The following TINAG variants were observed in gnomAD, a reference collection of about 807,000 sequenced individuals.
TINAG encodes the protein tubulointerstitial nephritis antigen.
A neutral mutation model predicts 72.7 loss-of-function variants in TINAG; 83 were observed. The observed-to-expected ratio is 1.14, with a 90% CI of 0.96 to 1.37. TINAG has a LOEUF of 1.37. Ranked by LOEUF, TINAG falls within the 40% of genes most tolerant of loss-of-function variation. The probability of loss-of-function intolerance (pLI) is 0.00; values close to 1 mark genes in which losing one functional copy is unlikely to be tolerated. For missense variants in TINAG, 685 were observed against 576.6 expected (o/e 1.19, Z -1.93); for synonymous variants, 234 against 189.9 (o/e 1.23, Z -1.91).
Position 54,358,890 on chromosome 6 carries a change from G to A in TINAG, c.1250+4254G>A, listed in dbSNP as rs1237777585. ...GATTGACATCTGATCGCATTAGCTT[G>A]CAAATGGTCCTCATTACAAAAATCT... On this transcript the variant is annotated intron_variant, in intron 9 of 10. Transcript: ENST00000259782. Among the ~76,000 whole-genome samples, 6 of 151,874 alleles carry A rather than the reference G, an allele frequency of 4.0e-5. No individual in the cohort carries two copies. The East Asian group carries it at 1.2e-3, about 30-fold the overall frequency.
intron 3 of TINAG, 33 bp downstream of exon 3, chr6:54,321,419 C>A: frequency 6.9e-7 from 1 of 1,450,712 alleles, no homozygotes; most frequent in Non-Finnish European, 9.7e-7. Context: ...TGTTTCTTGA[C>A]ACTGCCATTT....
chr6:54,375,320 G>A (rs539671379), intron 9 of TINAG, among the ~76,000 whole-genome samples: 1 of 152,194 alleles, frequency 6.6e-6, no homozygotes, highest in East Asian at 1.9e-4. Context: ...ACACAGAAAA[G>A]CCATTAATTT....
chr6:54,377,476 C>A (rs1044235531), intron 9 of TINAG, among the ~76,000 whole-genome samples: 1 of 151,984 alleles, frequency 6.6e-6, no homozygotes, highest in African/African-American at 2.4e-5. Flanking sequence ...TGTGTCACTG[C>A]ACTCCAGCCT....
intron 9 of TINAG, among the ~76,000 whole-genome samples, chr6:54,372,292 T>G (rs1763643326): frequency 6.6e-6 from 1 of 151,940 alleles, no homozygotes; most frequent in Admixed American, 6.6e-5. Context: ...GCGCCCAGCC[T>G]CAACTAGTTT....
At chr6:54,347,040 T>C (rs918365339) in intron 5 of TINAG, among the ~76,000 whole-genome samples, 12 of 152,088 alleles carry the variant, frequency 7.9e-5, no homozygotes, top group African/African-American at 2.9e-4. Flanking sequence ...AAGGAACATA[T>C]GGCTCTTGCC....
At position 54,354,872 on chromosome 6, in the gene TINAG, A is replaced by T. The variant is rs992183091; in HGVS notation, c.1250+236A>T. ...CTCACTTCTTGTGATTATGTCCTTA[A>T]GAATCCGTTCTAAGGGCAAAGAACA... On this transcript the variant is annotated intron_variant, in intron 9 of 10. Coordinates refer to ENST00000259782, the MANE Select transcript of TINAG (RefSeq NM_014464.4). Among the ~76,000 whole-genome samples the T allele has an allele frequency of 2.0e-5, 3 of 151,964 alleles. No homozygotes were observed. In the East Asian group the frequency reaches 5.8e-4, roughly 30 times the overall value.
intron 4 of TINAG, among the ~76,000 whole-genome samples, chr6:54,337,456 G>A (rs1784893800): frequency 6.6e-6 from 1 of 151,964 alleles, no homozygotes; most frequent in Non-Finnish European, 1.5e-5. Flanking sequence ...GTTTTGCCAT[G>A]TTGGCCAGGC....
At chr6:54,377,881 A>G (rs1763827109) in intron 9 of TINAG, among the ~76,000 whole-genome samples, 1 of 152,142 alleles carries the variant, frequency 6.6e-6, no homozygotes, top group South Asian at 2.1e-4. Context: ...CTGGTTTTGC[A>G]CTAGTTAACC....
At chr6:54,319,837 A>G (rs1257561773) in intron 1 of TINAG, among the ~76,000 whole-genome samples, 1 of 152,180 alleles carries the variant, frequency 6.6e-6, no homozygotes, top group Non-Finnish European at 1.5e-5. Flanking sequence ...TGCTAATTCA[A>G]TGTTAATTTT....
intron 3 of TINAG, among the ~76,000 whole-genome samples, chr6:54,324,946 A>G (rs6940326): frequency 0.036 from 5,500 of 152,122 alleles, 308 homozygotes; most frequent in African/African-American, 0.13. Context: ...CTTTTTTACT[A>G]CCTTATCTTT....
intron 5 of TINAG, among the ~76,000 whole-genome samples, chr6:54,345,216 A>G (rs1170119570): frequency 6.6e-6 from 1 of 152,176 alleles, no homozygotes; most frequent in African/African-American, 2.4e-5. Context: ...GAACTGAGTC[A>G]TTCTTAAATA....
At chr6:54,326,682 C>T in intron 3 of TINAG, 120 bp from the exon 4 acceptor site, 1 of 648,402 alleles carries the variant, frequency 1.5e-6, no homozygotes, top group South Asian at 2.6e-5. Flanking sequence ...TGTGACAATT[C>T]TCATATTGTG....
At chr6:54,330,339 C>A (rs138152406) in intron 4 of TINAG, among the ~76,000 whole-genome samples, 1 of 152,120 alleles carries the variant, frequency 6.6e-6, no homozygotes, top group East Asian at 1.9e-4. Flanking sequence ...ACTGAACAAC[C>A]GATTCCTGAA....
intron 4 of TINAG, among the ~76,000 whole-genome samples, chr6:54,328,572 G>T (rs1239398164): frequency 6.6e-6 from 1 of 151,992 alleles, no homozygotes; most frequent in African/African-American, 2.4e-5. Context: ...CTTCTCCAAA[G>T]GATCACAACT....
intron 10 of TINAG, among the ~76,000 whole-genome samples, chr6:54,386,610 G>A (rs1764106573): frequency 6.6e-6 from 1 of 151,954 alleles, no homozygotes; most frequent in South Asian, 2.1e-4. Flanking sequence ...AAGACCATTA[G>A]GAAAAACAAA....
chr6:54,360,068 T>C lies in TINAG; in HGVS notation c.1250+5432T>C, dbSNP rs982987231. 2.6e-5 allele frequency among the ~76,000 whole-genome samples: 4 copies of C among 151,762 alleles called. No individual in the cohort carries two copies. The East Asian group carries it at 7.8e-4, about 30-fold the overall frequency. On this transcript the variant is annotated intron_variant, in intron 9 of 10. Coordinates refer to ENST00000259782, the MANE Select transcript of TINAG (RefSeq NM_014464.4). ...AACTGGGAAATACAAGGAGGATTGATTTATAGTCCTCCTCTTAAGGAGTTT... is the reference window on the plus strand; with the variant it reads ...AACTGGGAAATACAAGGAGGATTGACTTATAGTCCTCCTCTTAAGGAGTTT...
intron 9 of TINAG, among the ~76,000 whole-genome samples, chr6:54,358,000 T>C (rs1034119180): frequency 1.3e-5 from 2 of 151,884 alleles, no homozygotes; most frequent in Non-Finnish European, 2.9e-5. Flanking sequence ...AACTTTCTGA[T>C]CTCAACTCCT....
chr6:54,357,070 T>C (rs2150964489), intron 9 of TINAG, among the ~76,000 whole-genome samples: 1 of 152,008 alleles, frequency 6.6e-6, no homozygotes, highest in South Asian at 2.1e-4. Context: ...ATGTTTTCAT[T>C]ACTCCCGTCC....
Position 54,389,949 on chromosome 6 carries a change from T to A in TINAG, c.*24T>A. 6.2e-7 allele frequency: 1 copy of A among 1,602,452 alleles called. No individual in the cohort carries two copies. Among genetic ancestry groups the A allele is most frequent in the Non-Finnish European group, 8.5e-7 (1 of 1,176,492 alleles). ...AACATATCATTAAATTTCCATAAGG[T>A]CATGCCTTTAAGTAACCCCCTAAAT... On this transcript the variant is annotated 3_prime_UTR_variant, in exon 11 of 11. Coordinates refer to ENST00000259782, the MANE Select transcript of TINAG (RefSeq NM_014464.4).
Sources: allele counts gnomAD v4.1 joint callset (sites outside exome capture counted in the v4.1 genomes callset), GRCh38; gene constraint gnomAD v4.1.1; transcripts MANE v1.5; gene names NCBI Gene and HGNC (gene_info 2026-07-23, HGNC 2026-07-21).